FAM120C: variants seen among roughly 807,000 people sequenced by gnomAD.
The protein encoded by FAM120C is family with sequence similarity 120 member C.
FAM120C carries 14 observed loss-of-function variants against 71.2 expected under a neutral mutation model. That is an observed-to-expected ratio of 0.20 (90% CI 0.13 to 0.31). FAM120C has a LOEUF of 0.31. Ranked by LOEUF, FAM120C falls within the 10% of genes least tolerant of loss-of-function variation. FAM120C has a pLI of 1.00. For synonymous variants in FAM120C, 354 were observed against 353.2 expected (o/e 1.00, Z -0.03); for missense variants, 500 against 879.0 (o/e 0.57, Z 5.45).
chrX:54,105,243 G>C (rs180847811), intron 10 of FAM120C, among the ~76,000 whole-genome samples: 12 of 111,785 alleles, frequency 1.1e-4, no homozygotes, highest in African/African-American at 3.9e-4. Flanking sequence ...GGGATGCAAG[G>C]CTGGTTCAAT....
intron 1 of FAM120C, among the ~76,000 whole-genome samples, chrX:54,181,238 C>G (rs1343200952): frequency 9.0e-6 from 1 of 110,771 alleles, no homozygotes; most frequent in Non-Finnish European, 1.9e-5. Context: ...TTACTCCAGC[C>G]GACACCACTT....
intron 4 of FAM120C, among the ~76,000 whole-genome samples, chrX:54,143,440 G>C (rs2067137633): frequency 9.0e-6 from 1 of 111,718 alleles, no homozygotes; most frequent in Non-Finnish European, 1.9e-5. Context: ...AAGAAGAAAA[G>C]AGAGAAGAAT....
intron 1 of FAM120C, among the ~76,000 whole-genome samples, chrX:54,167,166 T>A (rs937363635): frequency 2.7e-5 from 3 of 111,970 alleles, no homozygotes; most frequent in Non-Finnish European, 5.6e-5. Context: ...TCTAGTCAGA[T>A]CACACAACAT....
intron 1 of FAM120C, among the ~76,000 whole-genome samples, chrX:54,167,967 CAAA>C (rs782320617): frequency 6.3e-5 from 3 of 47,645 alleles, no homozygotes; most frequent in Non-Finnish European, 8.3e-5. Context: ...GACTCCGTCT[CAAA>C]AAAAAAAAAA....
intron 10 of FAM120C, among the ~76,000 whole-genome samples, chrX:54,116,298 G>A (rs1050466348): frequency 3.6e-5 from 4 of 111,215 alleles, no homozygotes; most frequent in East Asian, 2.8e-4. Flanking sequence ...GATCAGGGAC[G>A]AGGACTGAAC....
At chrX:54,085,668 T>C in intron 13 of FAM120C, 47 bp downstream of exon 13, 1 of 1,089,862 alleles carries the variant, frequency 9.2e-7, no homozygotes, top group Non-Finnish European at 1.3e-6. Context: ...GATAGATTAT[T>C]ATGACATAAA....
chrX:54,170,771 A>G (rs1322336865), intron 1 of FAM120C, among the ~76,000 whole-genome samples: 3 of 112,118 alleles, frequency 2.7e-5, no homozygotes, highest in Non-Finnish European at 5.6e-5. Flanking sequence ...AGTAGCTATG[A>G]AAGTCTGTTT....
chrX:54,077,045 TTGCAACACTGCAC>T (rs1198376847), intron 15 of FAM120C, among the ~76,000 whole-genome samples: 1 of 110,989 alleles, frequency 9.0e-6, no homozygotes, highest in African/African-American at 3.3e-5. Context: ...TAAACTATGA[TTGCAACACTGCAC>T]TCCAGCCTAG....
At position 54,132,724 on chromosome X, in the gene FAM120C, C is replaced by T. The variant is rs141104717; in HGVS notation, c.2030G>A (p.Arg677His). 5.0e-6 allele frequency: 6 copies of T among 1,204,834 alleles called. No homozygotes were observed. Among genetic ancestry groups the T allele is most frequent in the Middle Eastern group, 2.3e-4 (1 of 4,308 alleles). The change falls in exon 9 of 16, where the codon CGC becomes CAC. Residue 677 changes from arginine to histidine, a missense_variant. Arg to His is a conservative substitution (Grantham distance 29). This residue lies in a region of FAM120C where 104 missense variants were observed against 254.5 expected (regional missense o/e 0.41). Transcript: ENST00000375180. The part of the protein sequence containing the change: ...SLAETQRKME[R>H]LAMRRRLPVE... Reference sequence around the variant, plus strand: ...AGGCAGCCGCCGTCGCATGGCCAAGCGTTCCATTTTCCTCTGTGTCTCTGC... The same window carrying T: ...AGGCAGCCGCCGTCGCATGGCCAAGTGTTCCATTTTCCTCTGTGTCTCTGC...
rs1448849829 is a variant in FAM120C, at chrX:54,183,243, A to C, written c.-45T>G. On this transcript the variant is annotated 5_prime_UTR_variant, in exon 1 of 16. Coordinates refer to ENST00000375180, the MANE Select transcript of FAM120C (RefSeq NM_017848.6). ...GCGATAGCGGCTGCGCAAGCAGGAT[A>C]GGCGACGATCTGGGCGCGAAGCTGG... 7.5e-6 allele frequency: 6 copies of C among 800,404 alleles called. No homozygotes were observed. The highest frequency in any genetic ancestry group is 9.1e-6 in the Non-Finnish European group (6 of 656,422). 66.0% of individuals were successfully genotyped at this position (800,404 alleles called of 1,213,427 possible).
At chrX:54,092,760 T>C (rs1311612534) in intron 10 of FAM120C, among the ~76,000 whole-genome samples, 1 of 111,840 alleles carries the variant, frequency 8.9e-6, no homozygotes, top group Admixed American at 9.6e-5. Context: ...TTTTTGGATT[T>C]ATAGTTCCTT....
chrX:54,114,039 TACACACACACACACACAC>T (rs201960191), intron 10 of FAM120C, among the ~76,000 whole-genome samples: 52 of 98,762 alleles, frequency 5.3e-4, no homozygotes, highest in African/African-American at 1.7e-3. Context: ...GAAAGTGTGA[TACACACACACACACACAC>T]ACACACACAC....
intron 10 of FAM120C, among the ~76,000 whole-genome samples, chrX:54,108,802 C>T (rs781839819): frequency 9.6e-5 from 10 of 104,371 alleles, no homozygotes; most frequent in South Asian, 9.1e-4. Flanking sequence ...TGGTGGTGCG[C>T]GCCTGTAATC....
intron 1 of FAM120C, among the ~76,000 whole-genome samples, chrX:54,178,159 G>A (rs946676965): frequency 3.6e-5 from 4 of 112,094 alleles, no homozygotes; most frequent in African/African-American, 9.7e-5. Context: ...GATTATTTGT[G>A]CATGCTGTAA....
At chrX:54,162,662 T>C (rs1296205139) in intron 1 of FAM120C, among the ~76,000 whole-genome samples, 1 of 111,859 alleles carries the variant, frequency 8.9e-6, no homozygotes, top group African/African-American at 3.2e-5. Context: ...GTTTAACTTC[T>C]ACAGCAGATG....
intron 9 of FAM120C, among the ~76,000 whole-genome samples, chrX:54,117,385 A>ACAAT (rs1557126761): frequency 9.8e-6 from 1 of 102,059 alleles, no homozygotes; most frequent in African/African-American, 3.6e-5. Flanking sequence ...AAAATAAAAT[A>ACAAT]AAATAAAATA....
At chrX:54,151,689 G>A (rs1462861188) in intron 3 of FAM120C, among the ~76,000 whole-genome samples, 1 of 111,306 alleles carries the variant, frequency 9.0e-6, no homozygotes, top group Non-Finnish European at 1.9e-5. Flanking sequence ...ATATTATAAT[G>A]AGTTGACATT....
chrX:54,158,525 T>C, intron 2 of FAM120C, among the ~76,000 whole-genome samples: 1 of 112,018 alleles, frequency 8.9e-6, no homozygotes, highest in East Asian at 2.8e-4. Context: ...TCCCAGCACT[T>C]TGGGAGGCCG....
intron 10 of FAM120C, among the ~76,000 whole-genome samples, chrX:54,097,662 C>A (rs1438826365): frequency 3.6e-5 from 4 of 111,764 alleles, no homozygotes; most frequent in African/African-American, 1.3e-4. Context: ...GATACAGTCA[C>A]AGTTACTGAT....
Sources: allele counts gnomAD v4.1 joint callset (sites outside exome capture counted in the v4.1 genomes callset), GRCh38; gene constraint gnomAD v4.1.1; regional missense constraint gnomAD v4.1.1; transcripts MANE v1.5; gene names NCBI Gene and HGNC (gene_info 2026-07-23, HGNC 2026-07-21).